SLC41A3: variants seen among roughly 807,000 people sequenced by gnomAD.
The protein encoded by SLC41A3 is SLC41A1-like 2.
A neutral mutation model predicts 45.4 loss-of-function variants in SLC41A3; 44 were observed. The observed-to-expected ratio is 0.97, with a 90% CI of 0.76 to 1.25. SLC41A3 has a LOEUF of 1.25. SLC41A3 is among the 50% of genes most tolerant of loss of function. The pLI is 0.00. For missense variants in SLC41A3, 550 were observed against 600.6 expected (o/e 0.92, Z 0.88); for synonymous variants, 256 against 252.4 (o/e 1.01, Z -0.13).
intron 9 of SLC41A3, among the ~76,000 whole-genome samples, chr3:126,010,270 C>T (rs757319799): frequency 1.3e-5 from 2 of 152,184 alleles, no homozygotes; most frequent in Non-Finnish European, 2.9e-5. Flanking sequence ...GTCGGGAGTT[C>T]GAGACCAGCC....
chr3:126,080,578 G>T (rs1945099972), intron 1 of SLC41A3, among the ~76,000 whole-genome samples: 1 of 152,224 alleles, frequency 6.6e-6, no homozygotes, highest in South Asian at 2.1e-4. Context: ...AGGATGTGGA[G>T]AAAGTGTTCC....
intron 1 of SLC41A3, among the ~76,000 whole-genome samples, chr3:126,092,989 G>C (rs1206403129): frequency 6.6e-6 from 1 of 152,146 alleles, no homozygotes; most frequent in Non-Finnish European, 1.5e-5. Flanking sequence ...CAGGATACTG[G>C]GTGAAAAGTA....
chr3:126,083,210 G>A (rs1333027894), intron 1 of SLC41A3, among the ~76,000 whole-genome samples: 3 of 152,130 alleles, frequency 2.0e-5, no homozygotes, highest in African/African-American at 7.2e-5. Flanking sequence ...ACAAGTATGG[G>A]GACCCACCCC....
chr3:126,100,010 G>A (rs1303217746), intron 1 of SLC41A3, among the ~76,000 whole-genome samples: 2 of 152,180 alleles, frequency 1.3e-5, no homozygotes, highest in African/African-American at 4.8e-5. Context: ...GTCTGTTCCT[G>A]TTTGTGTCTC....
chr3:126,024,482 C>T (rs572356976), intron 5 of SLC41A3: 1 of 152,316 alleles, frequency 6.6e-6, no homozygotes, highest in South Asian at 2.1e-4. Context: ...GAGCCAGCCT[C>T]AGCCAACACC....
At chr3:126,069,435 G>A (rs1944512292) in intron 1 of SLC41A3, among the ~76,000 whole-genome samples, 1 of 152,142 alleles carries the variant, frequency 6.6e-6, no homozygotes, top group African/African-American at 2.4e-5. Flanking sequence ...ACATACAACA[G>A]AGAATGGAGG....
chr3:126,044,108 G>A (rs1169384949), intron 3 of SLC41A3, among the ~76,000 whole-genome samples: 1 of 152,202 alleles, frequency 6.6e-6, no homozygotes, highest in Non-Finnish European at 1.5e-5. Flanking sequence ...GATGCTATAA[G>A]ATATTCCATG....
chr3:126,069,300 T>C (rs1446506427), intron 1 of SLC41A3, among the ~76,000 whole-genome samples: 1 of 151,978 alleles, frequency 6.6e-6, no homozygotes, highest in South Asian at 2.1e-4. Context: ...GTACCCAGTG[T>C]GCACACAGAG....
At chr3:126,094,003 A>T (rs1191970523) in intron 1 of SLC41A3, among the ~76,000 whole-genome samples, 1 of 152,216 alleles carries the variant, frequency 6.6e-6, no homozygotes, top group East Asian at 1.9e-4. Context: ...AAGTATATCA[A>T]AGTAGTTATA....
intron 3 of SLC41A3, among the ~76,000 whole-genome samples, chr3:126,037,174 T>C (rs1416908225): frequency 6.6e-6 from 1 of 151,988 alleles, no homozygotes; most frequent in African/African-American, 2.4e-5. Context: ...TGTTTAAGAG[T>C]CTAGCACCTC....
intron 4 of SLC41A3, among the ~76,000 whole-genome samples, chr3:126,028,575 T>C (rs1219071524): frequency 6.6e-6 from 1 of 152,238 alleles, no homozygotes; most frequent in Non-Finnish European, 1.5e-5. Flanking sequence ...CTAGGCAGTG[T>C]TGGGGGAAAT....
In SLC41A3 at chr3:126,006,664, T is replaced by C. The variant is rs1939134649; in HGVS notation, c.*352A>G. On this transcript the variant is annotated 3_prime_UTR_variant, in exon 11 of 11. Transcript: ENST00000360370. ...CACCCCAATCTGGGTTGCATGGGCA[T>C]GGAAAAGAGCAAACACACCCTGCAA... 4 of 1,492,408 alleles carry C rather than the reference T, an allele frequency of 2.7e-6. No individual in the cohort carries two copies. The highest frequency in any genetic ancestry group is 1.4e-5 in the South Asian group (1 of 71,060). The allele number at this position is 1,492,408 out of a possible 1,614,324, so 92.4% of individuals were successfully genotyped here. A position where few individuals can be genotyped will look rare whatever the true frequency, so the allele number is the denominator to read the frequency against.
At chr3:126,050,284 C>T (rs982166658) in intron 3 of SLC41A3, among the ~76,000 whole-genome samples, 2 of 152,198 alleles carry the variant, frequency 1.3e-5, no homozygotes, top group Non-Finnish European at 2.9e-5. Context: ...GATCCTTGAA[C>T]ACACCACAAC....
intron 1 of SLC41A3, among the ~76,000 whole-genome samples, chr3:126,099,858 G>C (rs1192042973): frequency 6.6e-6 from 1 of 152,184 alleles, no homozygotes; most frequent in African/African-American, 2.4e-5. Context: ...ACAGCCCTGA[G>C]CTCTCAGTAG....
intron 3 of SLC41A3, among the ~76,000 whole-genome samples, chr3:126,047,270 C>T (rs545602521): frequency 5.3e-5 from 8 of 151,416 alleles, no homozygotes; most frequent in Admixed American, 2.0e-4. Context: ...GGCTGAGGTG[C>T]GAAGATCACT....
chr3:126,018,576 C>T (rs1282931182), intron 6 of SLC41A3, among the ~76,000 whole-genome samples: 1 of 152,314 alleles, frequency 6.6e-6, no homozygotes, highest in South Asian at 2.1e-4. Context: ...CTTCAGTTGC[C>T]AACAGGTAAA....
At chr3:126,064,797 C>T (rs1478367262) in intron 2 of SLC41A3, among the ~76,000 whole-genome samples, 1 of 152,236 alleles carries the variant, frequency 6.6e-6, no homozygotes, top group African/African-American at 2.4e-5. Context: ...ACCCACAGAG[C>T]CCAGGACTGC....
chr3:126,089,331 G>A (rs920654915), intron 1 of SLC41A3, among the ~76,000 whole-genome samples: 5 of 152,136 alleles, frequency 3.3e-5, no homozygotes, highest in South Asian at 2.1e-4. Context: ...GTAGAAAAAG[G>A]TTCCTGGGAC....
At chr3:126,008,600 G>A in intron 10 of SLC41A3, 132 bp downstream of exon 10, 4 of 1,270,486 alleles carry the variant, frequency 3.1e-6, no homozygotes, top group Non-Finnish European at 4.4e-6. Flanking sequence ...CTCAACTCCT[G>A]GAAGATAAGG....
Sources: gnomAD v4.1 joint callset for allele counts (sites outside exome capture counted in the v4.1 genomes callset) on GRCh38, gnomAD v4.1.1 for gene constraint, MANE v1.5 for transcripts, NCBI Gene and HGNC (gene_info 2026-07-23, HGNC 2026-07-21) for gene names.